The following FBXL13 variants were observed in gnomAD, a reference collection of about 807,000 sequenced individuals.
The protein encoded by FBXL13 is F-box and leucine-rich repeat protein 13.
Under a neutral mutation model 83.6 loss-of-function variants are expected in FBXL13, and 67 were observed. The observed-to-expected ratio is 0.80, with a 90% confidence interval of 0.66 to 0.98. The LOEUF is 0.98. Ranked by LOEUF, FBXL13 falls within the 50% of genes least tolerant of loss-of-function variation. FBXL13 has a pLI of 0.00. For synonymous variants in FBXL13, 272 were observed against 299.5 expected (o/e 0.91, Z 0.95); for missense variants, 822 against 866.5 (o/e 0.95, Z 0.64).
intron 2 of FBXL13, among the ~76,000 whole-genome samples, chr7:103,037,145 T>C (rs149141197): frequency 6.6e-6 from 1 of 152,350 alleles, no homozygotes; most frequent in African/African-American, 2.4e-5. Flanking sequence ...TCTTCATTAC[T>C]TCCACACTTT....
chr7:103,044,822 G>C (rs1563265547), intron 2 of FBXL13, among the ~76,000 whole-genome samples: 1 of 152,128 alleles, frequency 6.6e-6, no homozygotes, highest in South Asian at 2.1e-4. Flanking sequence ...CTTTCATCTT[G>C]GAATGCTTGA....
At chr7:102,890,006 G>A (rs1035221950) in intron 11 of FBXL13, among the ~76,000 whole-genome samples, 2 of 151,644 alleles carry the variant, frequency 1.3e-5, no homozygotes, top group African/African-American at 4.9e-5. Context: ...AAAGTGGGGG[G>A]TGGGGGGTAG....
At chr7:102,939,457 C>A in intron 8 of FBXL13, 2 of 1,612,536 alleles carry the variant, frequency 1.2e-6, no homozygotes, top group Non-Finnish European at 1.7e-6. Context: ...AACAACATCC[C>A]TCCAGATATT....
At chr7:102,849,489 G>A (rs1291710671) in intron 17 of FBXL13, among the ~76,000 whole-genome samples, 3 of 152,138 alleles carry the variant, frequency 2.0e-5, no homozygotes, top group African/African-American at 7.2e-5. Flanking sequence ...AGCGAATTAT[G>A]TAGTGTGTAA....
At chr7:102,973,284 A>G (rs573047899) in intron 6 of FBXL13, 58 of 482,506 alleles carry the variant, frequency 1.2e-4, no homozygotes, top group East Asian at 9.6e-5. Context: ...GTCCCAAGGC[A>G]CAAGGCCACT....
At chr7:103,071,464 G>T (rs1037216534) in intron 1 of FBXL13, among the ~76,000 whole-genome samples, 1 of 151,784 alleles carries the variant, frequency 6.6e-6, no homozygotes, top group Non-Finnish European at 1.5e-5. Context: ...GTTCACTGCA[G>T]CCTCAAATTC....
Position 103,062,041 on chromosome 7 carries a change from A to C in FBXL13, c.-104-6294T>G, listed in dbSNP as rs545319695. On this transcript the variant is annotated intron_variant, in intron 1 of 19. Coordinates refer to ENST00000313221, the Ensembl canonical transcript of FBXL13. ...CATAATTACCAAAAAAAAAAAAAAAAAAACAAACCTTTGCTTTAAAACCAT... is the reference window on the plus strand; with the variant it reads ...CATAATTACCAAAAAAAAAAAAAAACAAACAAACCTTTGCTTTAAAACCAT... Among the ~76,000 whole-genome samples, 31 of 150,258 alleles carry C rather than the reference A, an allele frequency of 2.1e-4. 1 individual carries two copies. The highest frequency in any genetic ancestry group is 1.3e-3 in the Admixed American group (20 of 15,216).
At position 103,073,238 on chromosome 7, in the gene FBXL13, A is replaced by G. The variant is rs567983938; in HGVS notation, c.-105+1008T>C. On this transcript the variant is annotated intron_variant, in intron 1 of 19. Coordinates refer to ENST00000313221, the Ensembl canonical transcript of FBXL13. ...TATACACATATATGTACATAAACAC[A>G]TATACAACATATATGAAATCAAATG... Among the ~76,000 whole-genome samples, 5 of 152,356 alleles carry G rather than the reference A, an allele frequency of 3.3e-5. No homozygotes were observed. The East Asian group carries it at 9.6e-4, about 29-fold the overall frequency.
intron 11 of FBXL13, among the ~76,000 whole-genome samples, chr7:102,889,361 A>G (rs1394733157): frequency 6.6e-6 from 1 of 152,170 alleles, no homozygotes; most frequent in African/African-American, 2.4e-5. Flanking sequence ...ACCTCTTCCT[A>G]TTATGACACA....
chr7:102,881,593 C>T (rs1270325072), intron 14 of FBXL13, among the ~76,000 whole-genome samples: 2 of 151,554 alleles, frequency 1.3e-5, no homozygotes, highest in Non-Finnish European at 2.9e-5. Flanking sequence ...GTGGGTGTCT[C>T]ACTGTTATCA....
At chr7:102,979,828 T>TA (rs1294469022) in intron 6 of FBXL13, among the ~76,000 whole-genome samples, 2 of 151,932 alleles carry the variant, frequency 1.3e-5, no homozygotes, top group Non-Finnish European at 2.9e-5. Flanking sequence ...AACATTGCTG[T>TA]AAAAAAATGT....
At chr7:102,887,943 A>G (rs1217762327) in intron 11 of FBXL13, among the ~76,000 whole-genome samples, 1 of 152,238 alleles carries the variant, frequency 6.6e-6, no homozygotes, top group African/African-American at 2.4e-5. Flanking sequence ...TCAGAAAAAA[A>G]GAGAAACAGA....
intron 10 of FBXL13, 142 bp from the exon 12 acceptor site, chr7:102,913,357 C>T (rs1370840177): frequency 2.1e-6 from 2 of 958,706 alleles, no homozygotes; most frequent in Admixed American, 5.1e-5. Context: ...TGTTAACTCT[C>T]TACCTGTTAA....
intron 7 of FBXL13, 126 bp downstream of exon 8, chr7:102,967,896 C>T: frequency 3.4e-6 from 2 of 583,140 alleles, no homozygotes; most frequent in Non-Finnish European, 2.9e-6. Flanking sequence ...AAAAGAAAAC[C>T]AAATTCACTT....
At chr7:102,891,859 T>C (rs1811579009) in intron 11 of FBXL13, among the ~76,000 whole-genome samples, 1 of 152,196 alleles carries the variant, frequency 6.6e-6, no homozygotes, top group African/African-American at 2.4e-5. Context: ...ATTGGTTCTT[T>C]TCCTCAACCA....
chr7:102,911,649 T>TA (rs1814705218), intron 11 of FBXL13, among the ~76,000 whole-genome samples: 1 of 152,168 alleles, frequency 6.6e-6, no homozygotes, highest in Non-Finnish European at 1.5e-5. Flanking sequence ...AAGCTTTTGT[T>TA]AAAAAGACAT....
chr7:102,893,475 A>G (rs549352095), intron 11 of FBXL13, among the ~76,000 whole-genome samples: 2 of 152,314 alleles, frequency 1.3e-5, no homozygotes, highest in South Asian at 2.1e-4. Context: ...CCTAACTTCA[A>G]GAAAGGAGAG....
At chr7:102,884,701 A>T (rs1009235344) in intron 11 of FBXL13, among the ~76,000 whole-genome samples, 1 of 152,166 alleles carries the variant, frequency 6.6e-6, no homozygotes, top group African/African-American at 2.4e-5. Flanking sequence ...TTATTTAATC[A>T]TTCATAATGT....
At chr7:103,071,551 C>CTTT (rs774310534) in intron 1 of FBXL13, among the ~76,000 whole-genome samples, 2 of 126,206 alleles carry the variant, frequency 1.6e-5, no homozygotes, top group East Asian at 2.3e-4. Flanking sequence ...GACAAGTTAG[C>CTTT]TTTTTTTTTT....
Sources: gnomAD v4.1 joint callset for allele counts (sites outside exome capture counted in the v4.1 genomes callset) on GRCh38, gnomAD v4.1.1 for gene constraint, MANE v1.5 for transcripts, NCBI Gene and HGNC (gene_info 2026-07-23, HGNC 2026-07-21) for gene names.